TAF4B: variants seen among roughly 807,000 people sequenced by gnomAD.
TAF4B encodes the protein TATA-box binding protein associated factor 4b, also known as transcription initiation factor TFIID subunit 4B.
TAF4B carries 38 observed loss-of-function variants against 86.4 expected under a neutral mutation model. That is an observed-to-expected ratio of 0.44 (90% CI 0.34 to 0.58). The LOEUF (loss-of-function observed/expected upper bound fraction) is 0.58. TAF4B is among the 20% of genes least tolerant of loss of function. The pLI is 0.02. For synonymous variants in TAF4B, 388 were observed against 391.2 expected, an observed-to-expected ratio of 0.99 and a Z score of 0.10; for missense variants, 988 against 1,027.6, an observed-to-expected ratio of 0.96 and a Z score of 0.53.
At chr18:26,280,328 A>G (rs906804301) in intron 5 of TAF4B, among the ~76,000 whole-genome samples, 13 of 152,144 alleles carry the variant, frequency 8.5e-5, no homozygotes, top group Non-Finnish European at 1.8e-4. Context: ...ACCTAACTAA[A>G]CTAAGGGCTT....
At chr18:26,315,152 C>CTCTCTCTG in intron 9 of TAF4B, 77 bp from the exon 10 acceptor site, 1 of 507,006 alleles carries the variant, frequency 2.0e-6, no homozygotes. Context: ...CTCTGTCTCT[C>CTCTCTCTG]TCTCTCTCTC....
intron 7 of TAF4B, among the ~76,000 whole-genome samples, chr18:26,290,102 A>G (rs903005312): frequency 1.3e-5 from 2 of 152,146 alleles, no homozygotes; most frequent in African/African-American, 2.4e-5. Context: ...ATAGTAAACT[A>G]TGTGTATTCG....
At chr18:26,288,299 G>C (rs2056550199) in intron 7 of TAF4B, among the ~76,000 whole-genome samples, 1 of 152,144 alleles carries the variant, frequency 6.6e-6, no homozygotes, top group South Asian at 2.1e-4. Context: ...AAAAGGTAGG[G>C]AGAAAACTAA....
intron 14 of TAF4B, among the ~76,000 whole-genome samples, chr18:26,381,171 C>T (rs570950823): frequency 1.9e-4 from 29 of 152,014 alleles, no homozygotes; most frequent in Admixed American, 1.4e-3. Context: ...CACACCACCA[C>T]GCCTGGCTAA....
chr18:26,233,177 A>C (rs2055698004), intron 1 of TAF4B, among the ~76,000 whole-genome samples: 1 of 152,162 alleles, frequency 6.6e-6, no homozygotes, highest in Non-Finnish European at 1.5e-5. Context: ...CCATACTCCT[A>C]AAGTACTTGC....
chr18:26,322,619 C>T (rs933008606), intron 11 of TAF4B, among the ~76,000 whole-genome samples: 1 of 151,990 alleles, frequency 6.6e-6, no homozygotes, highest in Non-Finnish European at 1.5e-5. Flanking sequence ...TTGTTATTTG[C>T]ATCTTCTCTC....
intron 2 of TAF4B, chr18:26,266,805 T>C (rs2056246104): frequency 6.6e-6 from 1 of 152,084 alleles, no homozygotes; most frequent in South Asian, 2.1e-4. Context: ...GAGCTTGCAG[T>C]GAGCCGAGAT....
intron 5 of TAF4B, among the ~76,000 whole-genome samples, chr18:26,275,893 G>A (rs2056377476): frequency 6.6e-6 from 1 of 151,834 alleles, no homozygotes; most frequent in Admixed American, 6.6e-5. Flanking sequence ...GCGCACGCCT[G>A]TAATCCCAGC....
intron 14 of TAF4B, among the ~76,000 whole-genome samples, chr18:26,360,878 C>A (rs976613823): frequency 6.6e-6 from 1 of 152,118 alleles, no homozygotes; most frequent in Non-Finnish European, 1.5e-5. Context: ...TCTGCAGTGT[C>A]CTGAATAGCC....
chr18:26,343,896 G>A (rs892871938), intron 13 of TAF4B, among the ~76,000 whole-genome samples: 1 of 152,114 alleles, frequency 6.6e-6, no homozygotes, highest in African/African-American at 2.4e-5. Context: ...CACTTGACAG[G>A]AAGAACCAGG....
chr18:26,279,186 C>T (rs1237404418), intron 5 of TAF4B, among the ~76,000 whole-genome samples: 2 of 152,054 alleles, frequency 1.3e-5, no homozygotes, highest in South Asian at 4.1e-4. Context: ...TTTCAGGGTA[C>T]AAAATCAGTT....
intron 9 of TAF4B, chr18:26,304,839 C>T (rs2056778111): frequency 1.0e-6 from 1 of 985,110 alleles, no homozygotes; most frequent in Non-Finnish European, 1.2e-6. Context: ...AAATCTAGTC[C>T]ACTTACTGCC....
chr18:26,227,016 C>T lies in TAF4B; in HGVS notation c.83C>T (p.Ala28Val). ...SASGTVTMAPAGALPVRVEST... is the reference protein window; with the variant it reads ...SASGTVTMAPVGALPVRVEST... ...TCGGGGACCGTGACCATGGCCCCGG[C>T]CGGGGCGCTGCCGGTGCGGGTGGAG... Residue 28 changes from alanine to valine, a missense_variant, in exon 1 of 15, where the codon GCC becomes GTC. Ala to Val is a moderately conservative substitution (Grantham distance 64). Coordinates refer to ENST00000269142, the MANE Select transcript of TAF4B (RefSeq NM_005640.3). 2.0e-6 allele frequency: 3 copies of T among 1,469,426 alleles called. No homozygotes were observed. The highest frequency in any genetic ancestry group is 1.3e-5 in the South Asian group (1 of 74,840). 91.0% of individuals were successfully genotyped at this position (1,469,426 alleles called of 1,614,324 possible).
chr18:26,228,081 C>G (rs533502488), intron 1 of TAF4B, among the ~76,000 whole-genome samples: 2 of 152,180 alleles, frequency 1.3e-5, no homozygotes, highest in Non-Finnish European at 2.9e-5. Context: ...TCACTACTTT[C>G]TATCCTAGGG....
intron 12 of TAF4B, among the ~76,000 whole-genome samples, chr18:26,334,239 A>C (rs972402497): frequency 2.6e-5 from 4 of 152,178 alleles, no homozygotes; most frequent in African/African-American, 7.2e-5. Context: ...TTTAAAGACT[A>C]TCTCTTATAT....
chr18:26,387,657 G>A (rs1188195392), intron 14 of TAF4B, among the ~76,000 whole-genome samples: 2 of 152,136 alleles, frequency 1.3e-5, no homozygotes, highest in Admixed American at 6.6e-5. Flanking sequence ...CTGCAGAAGT[G>A]GCGAGAGACT....
chr18:26,363,369 C>G (rs1478904375), intron 14 of TAF4B, among the ~76,000 whole-genome samples: 1 of 48,962 alleles, frequency 2.0e-5, no homozygotes, highest in Non-Finnish European at 3.5e-5. Flanking sequence ...CCTGTCTCTA[C>G]CAAAAAAAAA....
chr18:26,249,369 C>T (rs1568103610), intron 1 of TAF4B, among the ~76,000 whole-genome samples: 1 of 151,898 alleles, frequency 6.6e-6, no homozygotes, highest in Non-Finnish European at 1.5e-5. Flanking sequence ...GTAGTGTGAG[C>T]TACTTGGGAG....
intron 9 of TAF4B, among the ~76,000 whole-genome samples, chr18:26,297,873 T>G (rs897013087): frequency 6.6e-6 from 1 of 152,150 alleles, no homozygotes; most frequent in Non-Finnish European, 1.5e-5. Context: ...CTGAGTCGTA[T>G]GGTAGGTATA....
Sources: allele counts gnomAD v4.1 joint callset (sites outside exome capture counted in the v4.1 genomes callset), GRCh38; gene constraint gnomAD v4.1.1; transcripts MANE v1.5; gene names NCBI Gene and HGNC (gene_info 2026-07-23, HGNC 2026-07-21).